Variants in FSD2 observed in about 807,000 individuals in gnomAD.
The protein encoded by FSD2 is fibronectin type III and SPRY domain-containing protein 2.
A neutral mutation model predicts 80.4 loss-of-function variants in FSD2; 71 were observed. The ratio of observed to expected loss-of-function variants is 0.88; its 90% confidence interval spans 0.73 to 1.08. The LOEUF is 1.08. Ranked by LOEUF, FSD2 falls within the 50% of genes least tolerant of loss-of-function variation. FSD2 has a pLI of 0.00. For synonymous variants in FSD2, 361 were observed against 329.5 expected (o/e 1.10, Z -1.03); for missense variants, 923 against 913.8 (o/e 1.01, Z -0.13).
intron 9 of FSD2, among the ~76,000 whole-genome samples, chr15:82,768,366 G>A (rs528458969): frequency 6.0e-4 from 92 of 152,284 alleles, no homozygotes; most frequent in African/African-American, 2.1e-3. Flanking sequence ...TCAGGTCTCA[G>A]TTTAAACATC....
At position 82,755,406 on chromosome 15, in the gene FSD2, A is replaced by C. The variant is rs1311207652; in HGVS notation, c.*3942T>G. ...TTATTTGCTATGTCTGAGTGACTACATGTTGTTTGAATCAACTGCAGGCTA... is the reference window on the plus strand; with the variant it reads ...TTATTTGCTATGTCTGAGTGACTACCTGTTGTTTGAATCAACTGCAGGCTA... On this transcript the variant is annotated 3_prime_UTR_variant, in exon 13 of 13. Coordinates refer to ENST00000334574, the MANE Select transcript of FSD2 (RefSeq NM_001007122.4). The C allele has an allele frequency of 6.6e-6, 1 of 152,204 alleles. No homozygotes were observed. The highest frequency in any genetic ancestry group is 1.5e-5 in the Non-Finnish European group (1 of 68,040). 9.4% of individuals were successfully genotyped at this position (152,204 alleles called of 1,614,324 possible).
chr15:82,764,627 C>T lies in FSD2; in HGVS notation c.1820+539G>A, dbSNP rs1041146595. On this transcript the variant is annotated intron_variant, in intron 11 of 12. Coordinates refer to ENST00000334574, the MANE Select transcript of FSD2 (RefSeq NM_001007122.4). The stretch of plus-strand genomic sequence containing the variant: ...CCGAGTAGCTGGGATTACAGGCACC[C>T]GCAACAGGCCCGGCTAATTTTTATA... Among the ~76,000 whole-genome samples the T allele has an allele frequency of 2.0e-5, 3 of 151,048 alleles. No individual in the cohort carries two copies. The Admixed American group carries it at 2.0e-4, about 10-fold the overall frequency.
Position 82,759,383 on chromosome 15 carries a change from C to T in FSD2, c.2215G>A (p.Gly739Ser). The change falls in exon 13 of 13, where the codon GGC becomes AGC. Residue 739 changes from glycine (G) to serine (S), a missense_variant. Gly to Ser is a moderately conservative substitution (Grantham distance 56). Transcript: ENST00000334574. ...GTGACATGTTTTGGCATTGAAATGC[C>T]ATTATGTACCTTTAGACACCCAGGC... is the stretch of plus-strand genomic sequence containing the variant. ...EKPGCLKVHN[G>S]ISMPKHVTFY The T allele has an allele frequency of 1.2e-6, 2 of 1,613,284 alleles. No individual in the cohort carries two copies. Among genetic ancestry groups the T allele is most frequent in the Non-Finnish European group, 1.7e-6 (2 of 1,179,678 alleles).
At chr15:82,788,053 A>G (rs770940905) in intron 1 of FSD2, among the ~76,000 whole-genome samples, 6 of 152,192 alleles carry the variant, frequency 3.9e-5, no homozygotes, top group African/African-American at 7.2e-5. Context: ...GGCATGAACC[A>G]CTGCGCCCAG....
chr15:82,804,200 T>G (rs1566986141), intron 1 of FSD2, among the ~76,000 whole-genome samples: 3 of 151,958 alleles, frequency 2.0e-5, no homozygotes, highest in Non-Finnish European at 2.9e-5. Flanking sequence ...CAGCCGATGA[T>G]GAAAGAAGGC....
chr15:82,790,572 G>GTGTGTGTT (rs1491403290), intron 1 of FSD2, among the ~76,000 whole-genome samples: 1 of 126,926 alleles, frequency 7.9e-6, no homozygotes, highest in African/African-American at 2.9e-5. Context: ...GTGTGTTCGT[G>GTGTGTGTT]CGTGTGTGTG....
In FSD2 at chr15:82,784,264, T is replaced by TG. The variant is rs2151516612; in HGVS notation, c.736-1240_736-1239insC. Among the ~76,000 whole-genome samples, 3 of 151,942 alleles carry TG rather than the reference T, an allele frequency of 2.0e-5. No individual in the cohort carries two copies. The South Asian group carries it at 6.2e-4, about 32-fold the overall frequency. On this transcript the variant is annotated intron_variant, in intron 3 of 12. Coordinates refer to ENST00000334574, the MANE Select transcript of FSD2 (RefSeq NM_001007122.4). Reference sequence around the variant, plus strand: ...TATTTTATTTTATTTTATTTTTTTTTTATGGAGCCTCATTTTGCCACCCAG... The same window carrying TG: ...TATTTTATTTTATTTTATTTTTTTTTGTATGGAGCCTCATTTTGCCACCCAG...
At chr15:82,767,548 A>G (rs1403398209) in intron 9 of FSD2, among the ~76,000 whole-genome samples, 1 of 152,188 alleles carries the variant, frequency 6.6e-6, no homozygotes, top group Non-Finnish European at 1.5e-5. Context: ...CTGGAAGAAT[A>G]TGCACCAGCT....
Position 82,787,034 on chromosome 15 carries a change from GTC to G in FSD2, c.355_356del (p.Asp119LeufsTer4). 2 of 1,613,946 alleles carry G rather than the reference GTC, an allele frequency of 1.2e-6. No individual in the cohort carries two copies. The highest frequency in any genetic ancestry group is 1.7e-6 in the Non-Finnish European group (2 of 1,179,896). ...CCGCTGCCTCTCCACTAAGTCTCCA[GTC>G]TCTCTGCTCCCTGGCTGGGTCTCTC... ...KRRDPAREQR[D>X]WRLSGEAAEA... On this transcript the variant is annotated frameshift_variant, in exon 2 of 13. Transcript: ENST00000334574. LOFTEE classifies it high-confidence loss of function.
At chr15:82,760,741 A>ACG (rs1341978165) in intron 12 of FSD2, among the ~76,000 whole-genome samples, 133 of 146,710 alleles carry the variant, frequency 9.1e-4, no homozygotes, top group African/African-American at 3.2e-3. Flanking sequence ...GCGTGCACGC[A>ACG]CACACACACA....
intron 12 of FSD2, among the ~76,000 whole-genome samples, chr15:82,761,344 G>A (rs540383567): frequency 5.9e-5 from 9 of 152,282 alleles, no homozygotes; most frequent in East Asian, 1.9e-4. Context: ...CCTGGGCTTC[G>A]TGAGACTTTT....
intron 1 of FSD2, among the ~76,000 whole-genome samples, chr15:82,793,688 T>G (rs1330013510): frequency 6.6e-6 from 1 of 152,234 alleles, no homozygotes; most frequent in East Asian, 1.9e-4. Flanking sequence ...TTAGGCCTAT[T>G]TAGATTGCCT....
intron 7 of FSD2, among the ~76,000 whole-genome samples, chr15:82,770,741 G>C (rs1197815545): frequency 6.6e-6 from 1 of 151,638 alleles, no homozygotes; most frequent in Admixed American, 6.6e-5. Flanking sequence ...GGGGTGGGGA[G>C]GGGGTTTGGT....
intron 3 of FSD2, among the ~76,000 whole-genome samples, chr15:82,784,934 G>A (rs2049959671): frequency 6.6e-6 from 1 of 152,186 alleles, no homozygotes; most frequent in Non-Finnish European, 1.5e-5. Context: ...GGCATGTTTG[G>A]TGACAGGCAT....
chr15:82,795,353 T>C (rs905713163), intron 1 of FSD2, among the ~76,000 whole-genome samples: 9 of 152,274 alleles, frequency 5.9e-5, no homozygotes, highest in South Asian at 4.1e-4. Flanking sequence ...AAATGGCATT[T>C]CCTACAAAAT....
In FSD2 at chr15:82,782,863, C is replaced by T. The variant is rs762029687; in HGVS notation, c.898G>A (p.Asp300Asn). The T allele has an allele frequency of 2.5e-6, 4 of 1,613,888 alleles. No homozygotes were observed. The highest frequency in any genetic ancestry group is 1.7e-5 in the Admixed American group (1 of 60,000). ...GTTTCCATCAGTTCTTTGCAAGTAT[C>T]TAGGTTTTCTCCACAGCTGACCAGT... ...GQLVSCGENLDTCKELMETIE... is the reference protein window; with the variant it reads ...GQLVSCGENLNTCKELMETIE... Residue 300 changes from aspartate to asparagine, a missense_variant, in exon 4 of 13, where the codon GAT becomes AAT. Asp to Asn is a conservative substitution (Grantham distance 23). Coordinates refer to ENST00000334574, the MANE Select transcript of FSD2 (RefSeq NM_001007122.4).
chr15:82,794,139 T>C (rs948034823), intron 1 of FSD2, among the ~76,000 whole-genome samples: 3 of 152,140 alleles, frequency 2.0e-5, no homozygotes, highest in African/African-American at 4.8e-5. Flanking sequence ...TTTCCTCTAA[T>C]CACTGCTTTT....
At chr15:82,775,115 C>G (rs1201435010) in intron 6 of FSD2, among the ~76,000 whole-genome samples, 1 of 151,602 alleles carries the variant, frequency 6.6e-6, no homozygotes, top group Non-Finnish European at 1.5e-5. Flanking sequence ...ATCATATAAT[C>G]CGACTGGCCA....
chr15:82,779,192 G>A (rs184524900), intron 5 of FSD2, among the ~76,000 whole-genome samples: 283 of 152,258 alleles, frequency 1.9e-3, no homozygotes, highest in Non-Finnish European at 2.6e-3. Flanking sequence ...GATCTCTTAG[G>A]TGCTAACCTG....
Sources: gnomAD v4.1 joint callset for allele counts (sites outside exome capture counted in the v4.1 genomes callset) on GRCh38, gnomAD v4.1.1 for gene constraint, MANE v1.5 for transcripts, NCBI Gene and HGNC (gene_info 2026-07-23, HGNC 2026-07-21) for gene names.